CERS3: variants seen among roughly 807,000 people sequenced by gnomAD.
CERS3 encodes LAG1 homolog, ceramide synthase 3.
A neutral mutation model predicts 50.3 loss-of-function variants in CERS3; 33 were observed. That is an observed-to-expected ratio of 0.66 (90% CI 0.50 to 0.88). The LOEUF is 0.88. Ranked by LOEUF, CERS3 falls within the 40% of genes least tolerant of loss-of-function variation. The pLI is 0.00. For missense variants in CERS3, 470 were observed against 460.3 expected, an observed-to-expected ratio of 1.02 and a Z score of -0.19; for synonymous variants, 176 against 155.2, an observed-to-expected ratio of 1.13 and a Z score of -0.99.
chr15:100,491,965 A>G (rs568070900), intron 3 of CERS3, among the ~76,000 whole-genome samples: 1 of 151,050 alleles, frequency 6.6e-6, no homozygotes, highest in South Asian at 2.1e-4. Context: ...GTCTTAAGTG[A>G]TCCTCCTGTC....
intron 10 of CERS3, among the ~76,000 whole-genome samples, chr15:100,462,190 C>T (rs2034570691): frequency 6.6e-6 from 1 of 152,240 alleles, no homozygotes; most frequent in South Asian, 2.1e-4. Context: ...TCCCTGTCCA[C>T]TGGATTTAAC....
chr15:100,453,649 G>C (rs74697991), intron 11 of CERS3, among the ~76,000 whole-genome samples: 1 of 152,154 alleles, frequency 6.6e-6, no homozygotes, highest in East Asian at 1.9e-4. Context: ...ATTAAAGTCA[G>C]AGCAATCAGG....
At chr15:100,440,000 G>A (rs1036716516) in intron 11 of CERS3, among the ~76,000 whole-genome samples, 1 of 152,072 alleles carries the variant, frequency 6.6e-6, no homozygotes, top group Non-Finnish European at 1.5e-5. Flanking sequence ...ATGAAACTAG[G>A]GTATCTTCTG....
chr15:100,493,486 T>C (rs1241396982), intron 3 of CERS3, among the ~76,000 whole-genome samples: 1 of 152,234 alleles, frequency 6.6e-6, no homozygotes, highest in Non-Finnish European at 1.5e-5. Flanking sequence ...TTTTTGGCTT[T>C]TGACAAGTTG....
chr15:100,501,669 C>G lies in CERS3; in HGVS notation c.173+8G>C, dbSNP rs2036002695. ...GGAATGGGAAGGAAAGACACAAGTA[C>G]TACTTACTTTTCAAATACACGTCTG... On this transcript the variant is annotated splice_region_variant and intron_variant, in intron 3 of 11. Transcript: ENST00000679737. 1 of 1,605,264 alleles carries G rather than the reference C, an allele frequency of 6.2e-7. No individual in the cohort carries two copies. The highest frequency in any genetic ancestry group is 8.5e-7 in the Non-Finnish European group (1 of 1,172,126).
intron 10 of CERS3, among the ~76,000 whole-genome samples, chr15:100,463,961 G>A (rs538576694): frequency 2.1e-4 from 32 of 152,172 alleles, no homozygotes; most frequent in Non-Finnish European, 4.4e-4. Flanking sequence ...TAAGAGCACT[G>A]TTGGGTGCTT....
At chr15:100,404,360 A>G (rs1366179968) in intron 11 of CERS3, among the ~76,000 whole-genome samples, 1 of 152,254 alleles carries the variant, frequency 6.6e-6, no homozygotes, top group Admixed American at 6.5e-5. Flanking sequence ...GCCATTTATA[A>G]TAGTTTCAAA....
intron 10 of CERS3, among the ~76,000 whole-genome samples, chr15:100,457,269 A>G (rs1232574712): frequency 6.6e-6 from 1 of 152,142 alleles, no homozygotes; most frequent in African/African-American, 2.4e-5. Context: ...GGTTTATTTA[A>G]ACACCACTAC....
chr15:100,441,534 C>A (rs568426291), intron 11 of CERS3, among the ~76,000 whole-genome samples: 105 of 152,012 alleles, frequency 6.9e-4, no homozygotes, highest in Admixed American at 1.2e-3. Context: ...CTATGGGCAA[C>A]CTTCCACCCT....
chr15:100,488,224 C>T (rs2035544684), intron 4 of CERS3, among the ~76,000 whole-genome samples: 1 of 152,156 alleles, frequency 6.6e-6, no homozygotes, highest in Non-Finnish European at 1.5e-5. Context: ...CTAACCAGCC[C>T]ACAGTAGATG....
rs866805501 is a variant in CERS3, at chr15:100,467,809, G to A, written c.845+1569C>T. Reference sequence around the variant, plus strand: ...CACATATATATGTATATATATATACGTCTATATATATGTGTATATATATAC... The same window carrying A: ...CACATATATATGTATATATATATACATCTATATATATGTGTATATATATAC... On this transcript the variant is annotated intron_variant, in intron 10 of 11. Coordinates refer to ENST00000679737, the MANE Select transcript of CERS3 (RefSeq NM_001378789.1). 1.0e-4 allele frequency among the ~76,000 whole-genome samples: 6 copies of A among 58,586 alleles called. 1 individual carries two copies. Among genetic ancestry groups the A allele is most frequent in the African/African-American group, 1.0e-4 (2 of 20,072 alleles). 38.4% of individuals were successfully genotyped at this position (58,586 alleles called of 152,430 possible).
At chr15:100,502,724 A>G (rs965662446) in intron 2 of CERS3, among the ~76,000 whole-genome samples, 1 of 152,216 alleles carries the variant, frequency 6.6e-6, no homozygotes, top group Non-Finnish European at 1.5e-5. Flanking sequence ...AATTAATAAG[A>G]CAGGCTTCCT....
intron 10 of CERS3, among the ~76,000 whole-genome samples, chr15:100,461,878 G>A (rs748781447): frequency 7.9e-5 from 12 of 152,120 alleles, no homozygotes; most frequent in Admixed American, 5.2e-4. Context: ...ATTGTGGCAC[G>A]GGTAACAACC....
chr15:100,468,325 AG>A (rs1285325147), intron 10 of CERS3, among the ~76,000 whole-genome samples: 1 of 152,192 alleles, frequency 6.6e-6, no homozygotes, highest in Non-Finnish European at 1.5e-5. Flanking sequence ...AAGATCACAA[AG>A]GTCGTAAGTG....
intron 2 of CERS3, among the ~76,000 whole-genome samples, chr15:100,517,410 G>A (rs2036522876): frequency 6.6e-6 from 1 of 152,158 alleles, no homozygotes; most frequent in Non-Finnish European, 1.5e-5. Flanking sequence ...AAGTGTTGGT[G>A]GGGGAGTGGC....
chr15:100,495,046 G>A (rs2035769117), intron 3 of CERS3, among the ~76,000 whole-genome samples: 2 of 152,200 alleles, frequency 1.3e-5, no homozygotes, highest in South Asian at 4.1e-4. Context: ...AACACCCTCA[G>A]GGAAAAGGCT....
At position 100,472,937 on chromosome 15, in the gene CERS3, T is replaced by C; in HGVS notation, c.725A>G (p.Asp242Gly). 6.2e-7 allele frequency: 1 copy of C among 1,614,032 alleles called. No individual in the cohort carries two copies. The highest frequency in any genetic ancestry group is 2.2e-5 in the East Asian group (1 of 44,874). ...TLVMIVHDVA[D>G]IWLESAKMFS... ...GCAAACGTTTACCTCCAGCCAAATG[T>C]CAGCCACATCGTGTACAATCATCAC... Residue 242 changes from aspartate (D) to glycine (G), a missense_variant, in exon 9 of 12, where the codon GAC becomes GGC. Physicochemically the swap from Asp to Gly is moderately conservative, Grantham distance 94. Coordinates refer to ENST00000679737, the MANE Select transcript of CERS3 (RefSeq NM_001378789.1).
upstream of CERS3, among the ~76,000 whole-genome samples, chr15:100,533,218 C>T (rs1377305551): frequency 6.6e-6 from 1 of 152,202 alleles, no homozygotes; most frequent in Non-Finnish European, 1.5e-5. Context: ...TCCAGCCCCT[C>T]TCCTGCTTCA....
At chr15:100,410,129 C>A (rs2031364322) in intron 11 of CERS3, among the ~76,000 whole-genome samples, 2 of 152,226 alleles carry the variant, frequency 1.3e-5, no homozygotes, top group African/African-American at 4.8e-5. Flanking sequence ...ATATTATTCA[C>A]TCCACGTTGG....
Sources: gnomAD v4.1 joint callset for allele counts (sites outside exome capture counted in the v4.1 genomes callset) on GRCh38, gnomAD v4.1.1 for gene constraint, MANE v1.5 for transcripts, NCBI Gene and HGNC (gene_info 2026-07-23, HGNC 2026-07-21) for gene names.